SYNPO: variants seen among roughly 807,000 people sequenced by gnomAD.
SYNPO encodes synaptopodin.
SYNPO carries 19 observed loss-of-function variants against 49.5 expected under a neutral mutation model. The ratio of observed to expected loss-of-function variants is 0.38; its 90% CI spans 0.27 to 0.56. The LOEUF is 0.56. Among genes scored for constraint, SYNPO ranks in the 20% least tolerant of loss-of-function variants. The pLI is 0.68. For missense variants in SYNPO, 1,131 were observed against 1,248.3 expected (o/e 0.91, Z 1.42); for synonymous variants, 536 against 548.0 (o/e 0.98, Z 0.31).
At chr5:150,628,690 C>T (rs1356929163) in intron 2 of SYNPO, among the ~76,000 whole-genome samples, 1 of 152,208 alleles carries the variant, frequency 6.6e-6, no homozygotes, top group Non-Finnish European at 1.5e-5. Context: ...AGGGGGATCA[C>T]CTGAGGTCAG....
chr5:150,601,597 G>A (rs1581442103), intron 1 of SYNPO, among the ~76,000 whole-genome samples: 1 of 152,322 alleles, frequency 6.6e-6, no homozygotes, highest in East Asian at 1.9e-4. Context: ...GTGTGCACAC[G>A]CGAGAGCCTG....
At chr5:150,626,181 G>C (rs1297694724) in intron 2 of SYNPO, among the ~76,000 whole-genome samples, 2 of 152,158 alleles carry the variant, frequency 1.3e-5, no homozygotes, top group South Asian at 4.1e-4. Context: ...TTCCATGTTG[G>C]GGGGCACAGC....
chr5:150,594,096 C>T, the SYNPO span, among the ~76,000 whole-genome samples: 12 of 152,306 alleles, frequency 7.9e-5, no homozygotes, highest in African/African-American at 1.9e-4. Context: ...AGCCTGCAGA[C>T]GTGTGTTAGC....
upstream of SYNPO, among the ~76,000 whole-genome samples, chr5:150,600,050 G>A (rs142752626): frequency 2.6e-5 from 4 of 152,300 alleles, no homozygotes; most frequent in Non-Finnish European, 4.4e-5. Context: ...AGAAGAGCCG[G>A]GGTCGATTTT....
In SYNPO at chr5:150,656,490, G is replaced by A; in HGVS notation, c.2115G>A (p.Pro705=). The A allele has an allele frequency of 2.0e-6, 3 of 1,532,580 alleles. No homozygotes were observed. Among genetic ancestry groups the A allele is most frequent in the Admixed American group, 3.9e-5 (2 of 50,870 alleles). 94.9% of individuals were successfully genotyped at this position (1,532,580 alleles called of 1,614,324 possible). The change falls in exon 3 of 3, where the codon CCG becomes CCA. Residue 705 remains proline, a synonymous_variant. Coordinates refer to ENST00000307662, the MANE Select transcript of SYNPO (RefSeq NM_007286.6). ...PPSSLDGWVS[P]GPWEPGRGSS... Reference sequence around the variant, plus strand: ...GCAGCCTAGACGGCTGGGTGAGCCCGGGCCCGTGGGAGCCAGGTCGCGGGA... The same window carrying A: ...GCAGCCTAGACGGCTGGGTGAGCCCAGGCCCGTGGGAGCCAGGTCGCGGGA...
intron 2 of SYNPO, among the ~76,000 whole-genome samples, chr5:150,627,021 C>T (rs959699643): frequency 2.6e-5 from 4 of 152,188 alleles, no homozygotes; most frequent in African/African-American, 4.8e-5. Flanking sequence ...GGGCAGGAGT[C>T]AGCACACTCC....
intron 2 of SYNPO, chr5:150,651,135 A>T: frequency 9.5e-7 from 1 of 1,055,900 alleles, no homozygotes; most frequent in Non-Finnish European, 1.2e-6. Flanking sequence ...AGAGCCCTGT[A>T]GGGGGCTGTG....
Position 150,658,141 on chromosome 5 carries a change from T to C in SYNPO, c.*1054T>C, listed in dbSNP as rs1758640598. 1 of 152,290 alleles carries C rather than the reference T, an allele frequency of 6.6e-6. No homozygotes were observed. The highest frequency in any genetic ancestry group is 2.4e-5 in the African/African-American group (1 of 41,428). 9.4% of individuals were successfully genotyped at this position (152,290 alleles called of 1,614,324 possible). A position where few individuals can be genotyped will look rare whatever the true frequency, so the allele number is the denominator to read the frequency against. On this transcript the variant is annotated 3_prime_UTR_variant, in exon 3 of 3. Coordinates refer to ENST00000307662, the MANE Select transcript of SYNPO (RefSeq NM_007286.6). ...GAGGAGATTCTAGCAGGGGACAGGA[T>C]TGGCTCAGATGACCCCTGAGGGCTC... is the stretch of plus-strand genomic sequence containing the variant.
chr5:150,616,679 T>C (rs1361117083), intron 1 of SYNPO, among the ~76,000 whole-genome samples: 3 of 152,134 alleles, frequency 2.0e-5, no homozygotes, highest in African/African-American at 4.8e-5. Flanking sequence ...CAGCTGCTCC[T>C]TCTCATTTAT....
upstream of SYNPO, among the ~76,000 whole-genome samples, chr5:150,599,710 G>T (rs957515400): frequency 2.6e-5 from 4 of 152,190 alleles, no homozygotes; most frequent in African/African-American, 9.7e-5. Flanking sequence ...GGTCGGCGGT[G>T]GGGGCTTGTC....
intron 2 of SYNPO, among the ~76,000 whole-genome samples, chr5:150,655,848 T>A (rs538763206): frequency 2.0e-5 from 3 of 152,158 alleles, no homozygotes; most frequent in Non-Finnish European, 4.4e-5. Flanking sequence ...ACAGGGTTTC[T>A]GCATGTTGGC....
chr5:150,595,547 G>A, the SYNPO span, among the ~76,000 whole-genome samples: 2 of 152,216 alleles, frequency 1.3e-5, no homozygotes, highest in Non-Finnish European at 2.9e-5. Flanking sequence ...GAGAAGAAAA[G>A]GAGGGATCTA....
At chr5:150,647,162 G>A (rs1392031623) in intron 1 of SYNPO, among the ~76,000 whole-genome samples, 1 of 151,878 alleles carries the variant, frequency 6.6e-6, no homozygotes. Flanking sequence ...AGAATCACTT[G>A]AACCTGGGAG....
chr5:150,644,889 G>A (rs533138383), intron 1 of SYNPO, among the ~76,000 whole-genome samples: 258 of 152,238 alleles, frequency 1.7e-3, no homozygotes, highest in Non-Finnish European at 2.6e-3. Flanking sequence ...AGTCCTACTC[G>A]GGGGGAGTAA....
upstream of SYNPO, among the ~76,000 whole-genome samples, chr5:150,596,450 G>C (rs545854811): frequency 9.9e-5 from 15 of 152,094 alleles, no homozygotes; most frequent in Non-Finnish European, 2.1e-4. Context: ...GACGACGTTC[G>C]ATCCCAGGCC....
chr5:150,594,072 C>A, the SYNPO span, among the ~76,000 whole-genome samples: 43,645 of 152,062 alleles, frequency 0.29, 7,414 homozygotes, highest in Middle Eastern at 0.47. Flanking sequence ...CTGACCCTGG[C>A]GCTGTCCTTC....
upstream of SYNPO, among the ~76,000 whole-genome samples, chr5:150,598,114 G>A (rs559336957): frequency 2.8e-3 from 424 of 152,216 alleles, 3 homozygotes; most frequent in Non-Finnish European, 4.2e-3. Context: ...GTGGTCACGG[G>A]TAGGGCTCGC....
At chr5:150,611,265 A>G (rs1224725100) in intron 1 of SYNPO, among the ~76,000 whole-genome samples, 1 of 152,126 alleles carries the variant, frequency 6.6e-6, no homozygotes, top group African/African-American at 2.4e-5. Context: ...TCTTTTGTTC[A>G]CTGTGTACTG....
intron 2 of SYNPO, chr5:150,652,625 T>G (rs907416950): frequency 1.3e-5 from 2 of 159,108 alleles, no homozygotes; most frequent in African/African-American, 4.8e-5. Flanking sequence ...CAAAAATACT[T>G]TAGAGGATTT....
Sources: allele counts gnomAD v4.1 joint callset (sites outside exome capture counted in the v4.1 genomes callset), GRCh38; gene constraint gnomAD v4.1.1; transcripts MANE v1.5; gene names NCBI Gene and HGNC (gene_info 2026-07-23, HGNC 2026-07-21).